Variants in ATAD1 observed in about 807,000 individuals in gnomAD.
ATAD1 encodes the protein outer mitochondrial transmembrane helix translocase.
ATAD1 carries 18 observed loss-of-function variants against 42.7 expected under a neutral mutation model. The observed-to-expected ratio is 0.42, with a 90% CI of 0.29 to 0.63. The LOEUF (loss-of-function observed/expected upper bound fraction) is 0.63, where lower values mean the gene tolerates loss of function less well. ATAD1 is among the 20% of genes least tolerant of loss of function. The pLI, the probability that ATAD1 is intolerant of heterozygous loss-of-function variation, is 0.19. For synonymous variants in ATAD1, 132 were observed against 143.1 expected (o/e 0.92, Z 0.55); for missense variants, 294 against 440.4 (o/e 0.67, Z 2.98).
intron 3 of ATAD1, among the ~76,000 whole-genome samples, chr10:87,792,235 G>A (rs532843063): frequency 2.0e-5 from 3 of 152,334 alleles, no homozygotes; most frequent in South Asian, 2.1e-4. Flanking sequence ...ATGGTTTATG[G>A]TGAAACATCC....
Position 87,754,545 on chromosome 10 carries a change from C to A in ATAD1, c.*142G>T. The A allele has an allele frequency of 9.9e-7, 1 of 1,009,294 alleles. No individual in the cohort carries two copies. Among genetic ancestry groups the A allele is most frequent in the Non-Finnish European group, 1.4e-6 (1 of 730,274 alleles). 62.5% of individuals were successfully genotyped at this position (1,009,294 alleles called of 1,614,324 possible). ...TACCACCTATGTAACAACTATATCT[C>A]AATAACTTAGAATTCAGAGTATAAA... is the stretch of plus-strand genomic sequence containing the variant. On this transcript the variant is annotated 3_prime_UTR_variant, in exon 10 of 10. Transcript: ENST00000680024.
intron 9 of ATAD1, 48 bp downstream of exon 9, chr10:87,756,741 C>T (rs752158053): frequency 9.5e-6 from 14 of 1,476,328 alleles, no homozygotes; most frequent in Non-Finnish European, 1.2e-5. Flanking sequence ...AACCTAAAAG[C>T]TCTAAAAGAT....
intron 5 of ATAD1, among the ~76,000 whole-genome samples, chr10:87,781,243 C>T (rs1442830942): frequency 6.6e-6 from 1 of 151,606 alleles, no homozygotes; most frequent in Non-Finnish European, 1.5e-5. Context: ...TCAAAAACTA[C>T]ACAAAAATAG....
At chr10:87,770,845 T>C in intron 7 of ATAD1, 107 bp downstream of exon 7, 1 of 887,456 alleles carries the variant, frequency 1.1e-6, no homozygotes, top group Non-Finnish European at 1.7e-6. Context: ...TCCTTCCCTG[T>C]CATAAGCACC....
chr10:87,776,118 CT>C (rs1855293101), intron 6 of ATAD1, among the ~76,000 whole-genome samples: 2 of 152,274 alleles, frequency 1.3e-5, no homozygotes, highest in South Asian at 2.1e-4. Context: ...TTTAGGCAAT[CT>C]ACTAATGTTT....
chr10:87,792,812 C>T lies in ATAD1; in HGVS notation c.163-57G>A, dbSNP rs543985404. 4.4e-5 allele frequency: 56 copies of T among 1,265,408 alleles called. 1 individual carries two copies. The highest frequency in any genetic ancestry group is 4.2e-4 in the South Asian group (35 of 83,444). 78.4% of individuals were successfully genotyped at this position (1,265,408 alleles called of 1,614,324 possible). ...ATTTGATATTTAGATACTGGCACTT[C>T]GAAATAGATATATGTGAAGTCTAAA... On this transcript the variant is annotated intron_variant, in intron 2 of 9. Coordinates refer to ENST00000680024, the MANE Select transcript of ATAD1 (RefSeq NM_001321967.2).
Position 87,792,675 on chromosome 10 carries a change from T to C in ATAD1, c.243A>G (p.Val81=). 1 of 1,612,586 alleles carries C rather than the reference T, an allele frequency of 6.2e-7. No homozygotes were observed. The highest frequency in any genetic ancestry group is 1.1e-5 in the South Asian group (1 of 91,036). ...EYEMSIAAHL[V]DPLNMHVTWS... is the part of the protein sequence containing the mutation. ...TACATACATGCATATTAAGAGGGTCTACAAGATGAGCAGCAATACTCATTT... is the reference window on the plus strand; with the variant it reads ...TACATACATGCATATTAAGAGGGTCCACAAGATGAGCAGCAATACTCATTT... Residue 81 remains valine, a synonymous_variant, in exon 3 of 10, where the codon GTA becomes GTG. Coordinates refer to ENST00000680024, the MANE Select transcript of ATAD1 (RefSeq NM_001321967.2).
At chr10:87,792,804 T>C (rs763385233) in intron 2 of ATAD1, 49 bp from the exon 3 acceptor site, 51 of 1,354,542 alleles carry the variant, frequency 3.8e-5, no homozygotes, top group Non-Finnish European at 5.4e-5. Context: ...ATTTAGATAC[T>C]GGCACTTCGA....
In ATAD1 at chr10:87,798,625, G is replaced by GGTGTGTGTGTGTGTGTGTGTGTGT. The variant is rs71022506; in HGVS notation, c.163-5894_163-5871dup. 7.9e-3 allele frequency among the ~76,000 whole-genome samples: 987 copies of GGTGTGTGTGTGTGTGTGTGTGTGT among 124,888 alleles called. 30 individuals carry two copies. Among genetic ancestry groups the GGTGTGTGTGTGTGTGTGTGTGTGT allele is most frequent in the Middle Eastern group, 0.028 (7 of 246 alleles). The allele number at this position is 124,888 out of a possible 152,430, so 81.9% of individuals were successfully genotyped here. A position where few individuals can be genotyped will look rare whatever the true frequency, so the allele number is the denominator to read the frequency against. On this transcript the variant is annotated intron_variant, in intron 2 of 9. Coordinates refer to ENST00000680024, the MANE Select transcript of ATAD1 (RefSeq NM_001321967.2). ...AAGTTCCAAAGTAAAAGCTATAGGG[G>GGTGTGTGTGTGTGTGTGTGTGTGT]GTGTGTGTGTGTGTGTGTGTGTGTG...
intron 5 of ATAD1, among the ~76,000 whole-genome samples, chr10:87,782,545 C>A (rs1855617240): frequency 6.6e-6 from 1 of 152,076 alleles, no homozygotes; most frequent in African/African-American, 2.4e-5. Context: ...GTTCTAAGTT[C>A]TCTGTGAATT....
Position 87,804,790 on chromosome 10 carries a change from C to G in ATAD1, c.162+9648G>C, listed in dbSNP as rs188459618. ...TACACATCTCAACTAACTTAACCCA[C>G]CCTTTCATCAAAAACATAGCTTATC... On this transcript the variant is annotated intron_variant, in intron 2 of 9. Transcript: ENST00000680024. Among the ~76,000 whole-genome samples the G allele has an allele frequency of 1.7e-3, 263 of 152,286 alleles. 1 individual carries two copies. Among genetic ancestry groups the G allele is most frequent in the Admixed American group, 5.8e-3 (89 of 15,294 alleles).
intron 2 of ATAD1, among the ~76,000 whole-genome samples, chr10:87,794,826 CAAAT>C (rs761257737): frequency 5.9e-5 from 9 of 151,998 alleles, no homozygotes; most frequent in Non-Finnish European, 1.0e-4. Context: ...TAAAAAATGA[CAAAT>C]GAATAATGTT....
intron 4 of ATAD1, among the ~76,000 whole-genome samples, chr10:87,786,545 T>A (rs1452748174): frequency 6.6e-6 from 1 of 152,224 alleles, no homozygotes; most frequent in Non-Finnish European, 1.5e-5. Flanking sequence ...AAAGAAAGCT[T>A]GTGGCTATCC....
chr10:87,809,876 C>A (rs1301504804), intron 2 of ATAD1, among the ~76,000 whole-genome samples: 1 of 152,120 alleles, frequency 6.6e-6, no homozygotes, highest in East Asian at 1.9e-4. Flanking sequence ...AAACTCCTGA[C>A]CTCAGGTGAT....
intron 1 of ATAD1, among the ~76,000 whole-genome samples, chr10:87,836,512 C>T (rs1439580705): frequency 6.6e-6 from 1 of 152,150 alleles, no homozygotes; most frequent in Non-Finnish European, 1.5e-5. Context: ...CTACTTCATT[C>T]TAGCCTCCGT....
At chr10:87,767,330 G>A (rs1375773374) in intron 8 of ATAD1, among the ~76,000 whole-genome samples, 2 of 152,096 alleles carry the variant, frequency 1.3e-5, no homozygotes, top group Admixed American at 1.3e-4. Context: ...AGTGGAGGAG[G>A]GGGGCATAGT....
In ATAD1 at chr10:87,762,774, A is replaced by G. The variant is rs114676673; in HGVS notation, c.831+4899T>C. Among the ~76,000 whole-genome samples the G allele has an allele frequency of 7.0e-3, 1,058 of 151,664 alleles. 17 individuals carry two copies. The highest frequency in any genetic ancestry group is 0.024 in the African/African-American group (993 of 41,382). On this transcript the variant is annotated intron_variant, in intron 8 of 9. Coordinates refer to ENST00000680024, the MANE Select transcript of ATAD1 (RefSeq NM_001321967.2). ...GTTTTTTTGAAAGCAGTTATCAAAAATTCAATTAAAAGTCAACCGGGCACG... is the reference window on the plus strand; with the variant it reads ...GTTTTTTTGAAAGCAGTTATCAAAAGTTCAATTAAAAGTCAACCGGGCACG...
rs1409618307 is a variant in ATAD1 at position 87,753,236 on chromosome 10, C to T, written c.*1451G>A. On this transcript the variant is annotated 3_prime_UTR_variant, in exon 10 of 10. Coordinates refer to ENST00000680024, the MANE Select transcript of ATAD1 (RefSeq NM_001321967.2). ...GTTTTTCCATCCTCTTCACAATCTT[C>T]CATAACTTGCTTTTTGTTATCCATT... The T allele has an allele frequency of 3.3e-5, 5 of 152,072 alleles. No homozygotes were observed. In the East Asian group the frequency reaches 5.8e-4, roughly 18 times the overall value. 9.4% of individuals were successfully genotyped at this position (152,072 alleles called of 1,614,324 possible).
chr10:87,840,254 C>A (rs539954817), intron 1 of ATAD1, among the ~76,000 whole-genome samples: 1 of 152,078 alleles, frequency 6.6e-6, no homozygotes. Context: ...GATGACAAGG[C>A]GGGAAGATTG....
Sources: gnomAD v4.1 joint callset for allele counts (sites outside exome capture counted in the v4.1 genomes callset) on GRCh38, gnomAD v4.1.1 for gene constraint, MANE v1.5 for transcripts, NCBI Gene and HGNC (gene_info 2026-07-23, HGNC 2026-07-21) for gene names.